Variants in PRAG1 observed in about 807,000 individuals in gnomAD.
PRAG1 encodes the protein inactive tyrosine-protein kinase PRAG1.
In PRAG1, 110 loss-of-function variants were observed where a neutral mutation model predicts 95.6. That is an observed-to-expected ratio of 1.15 (90% CI 0.99 to 1.35). PRAG1 has a LOEUF of 1.35. PRAG1 is among the 40% of genes most tolerant of loss of function. The pLI is 0.00. For missense variants in PRAG1, 2,554 were observed against 1,864.7 expected, an observed-to-expected ratio of 1.37 and a Z score of -6.81; for synonymous variants, 1,052 against 819.4, an observed-to-expected ratio of 1.28 and a Z score of -4.85.
intron 4 of PRAG1, among the ~76,000 whole-genome samples, chr8:8,335,424 C>T (rs1798954506): frequency 1.3e-5 from 2 of 152,130 alleles, no homozygotes. Flanking sequence ...TTATATTTCA[C>T]ATATGGATAC....
At chr8:8,356,214 G>A (rs1398743914) in intron 3 of PRAG1, among the ~76,000 whole-genome samples, 2 of 152,188 alleles carry the variant, frequency 1.3e-5, no homozygotes, top group African/African-American at 2.4e-5. Flanking sequence ...TTAAACCACT[G>A]TGAGATATCA....
At chr8:8,348,187 G>T (rs1254597558) in intron 3 of PRAG1, among the ~76,000 whole-genome samples, 1 of 152,192 alleles carries the variant, frequency 6.6e-6, no homozygotes, top group African/African-American at 2.4e-5. Context: ...AAAGTGCTGG[G>T]ATTATAGGCA....
Position 8,328,275 on chromosome 8 carries a change from C to A in PRAG1, c.2507G>T (p.Gly836Val). 1.2e-6 allele frequency: 2 copies of A among 1,614,020 alleles called. No individual in the cohort carries two copies. Among genetic ancestry groups the A allele is most frequent in the Non-Finnish European group, 1.7e-6 (2 of 1,179,982 alleles). ...GCTTGCTGTTCCGGGCTTGGGGGAG[C>A]CTTGGGTCCAGAAGAAGCCATCCGG... ...SSPDGFFWTQ[G>V]SPKPGTASPK... The change falls in exon 5 of 6, where the codon GGC becomes GTC. Residue 836 changes from glycine to valine, a missense_variant. Transcript: ENST00000615670.
rs749179881 is a variant in PRAG1, at chr8:8,381,762, G to T, written c.-15C>A. The stretch of plus-strand genomic sequence containing the variant: ...GTCTGGTGCATCTTGAGCCGACAGG[G>T]TGCTGGTTCATCTTGCGCCCGGCTC... On this transcript the variant is annotated 5_prime_UTR_variant, in exon 2 of 6. Coordinates refer to ENST00000615670, the MANE Select transcript of PRAG1 (RefSeq NM_001080826.3). The T allele has an allele frequency of 1.9e-6, 3 of 1,555,864 alleles. No individual in the cohort carries two copies. Among genetic ancestry groups the T allele is most frequent in the South Asian group, 2.4e-5 (2 of 82,330 alleles).
intron 3 of PRAG1, among the ~76,000 whole-genome samples, chr8:8,347,412 C>G (rs1429194121): frequency 6.6e-6 from 1 of 152,248 alleles, no homozygotes; most frequent in African/African-American, 2.4e-5. Flanking sequence ...ACGGCTCTGC[C>G]TCTCTGACCT....
rs372467266 is a variant in PRAG1, at chr8:8,377,214, G to T, written c.1195C>A (p.Pro399Thr). The change falls in exon 3 of 6, where the codon CCC becomes ACC. Residue 399 changes from proline to threonine, a missense_variant. Transcript: ENST00000615670. ...RCLGLTGEPQ[P>T]PAHPREATQP... Reference sequence around the variant, plus strand: ...GTAGCCTCCCGGGGGTGGGCCGGGGGCTGGGGCTCCCCCGTCAGCCCAAGG... The same window carrying T: ...GTAGCCTCCCGGGGGTGGGCCGGGGTCTGGGGCTCCCCCGTCAGCCCAAGG... The T allele has an allele frequency of 1.7e-5, 27 of 1,611,960 alleles. No individual in the cohort carries two copies. Among genetic ancestry groups the T allele is most frequent in the Middle Eastern group, 3.3e-4 (2 of 6,058 alleles).
chr8:8,376,495 C>G lies in PRAG1; in HGVS notation c.1914G>C (p.Arg638=), dbSNP rs1160658111. 2 of 1,612,820 alleles carry G rather than the reference C, an allele frequency of 1.2e-6. No individual in the cohort carries two copies. Among genetic ancestry groups the G allele is most frequent in the East Asian group, 2.2e-5 (1 of 44,874 alleles). The change falls in exon 3 of 6, where the codon CGG becomes CGC. Residue 638 remains arginine, a synonymous_variant. Coordinates refer to ENST00000615670, the MANE Select transcript of PRAG1 (RefSeq NM_001080826.3). ...FQAGTWSRQC[R]IEEEEEVEQE... is the part of the protein sequence containing the mutation. ...GCTCCACCTCCTCTTCTTCCTCTAT[C>G]CGGCACTGACGACTCCAGGTGCCTG... is the stretch of plus-strand genomic sequence containing the variant.
chr8:8,336,185 A>G lies in PRAG1; in HGVS notation c.2320+3293T>C, dbSNP rs1029018117. ...AACAGAGAACTCTCTAATCTTCTCT[A>G]ATCTCCAGGCATTCAGAAATGTTTG... On this transcript the variant is annotated intron_variant, in intron 4 of 5. Coordinates refer to ENST00000615670, the MANE Select transcript of PRAG1 (RefSeq NM_001080826.3). Among the ~76,000 whole-genome samples, 3 of 152,316 alleles carry G rather than the reference A, an allele frequency of 2.0e-5. No homozygotes were observed. The East Asian group carries it at 5.8e-4, about 29-fold the overall frequency.
rs1563260224 is a variant in PRAG1 at position 8,381,657 on chromosome 8, T to C, written c.91A>G (p.Lys31Glu). ...VEHIWKPGSC[K>E]NCFCLRSDHQ... ...TCGCTCCGCAGGCAGAAGCAGTTCT[T>C]GCAGGACCCGGGTTTCCAGATGTGC... The change falls in exon 2 of 6, where the codon AAG (lysine) becomes GAG (glutamate). Residue 31 changes from lysine to glutamate, a missense_variant. Transcript: ENST00000615670. The C allele has an allele frequency of 6.2e-7, 1 of 1,613,836 alleles. No individual in the cohort carries two copies. Among genetic ancestry groups the C allele is most frequent in the East Asian group, 2.2e-5 (1 of 44,864 alleles).
intron 4 of PRAG1, 62 bp from the exon 5 acceptor site, chr8:8,328,523 C>G: frequency 6.5e-7 from 1 of 1,535,952 alleles, no homozygotes; most frequent in Non-Finnish European, 8.8e-7. Context: ...CAGGGTCCTG[C>G]AGACTTGTTT....
At chr8:8,341,195 G>A (rs1227204029) in intron 3 of PRAG1, among the ~76,000 whole-genome samples, 1 of 152,062 alleles carries the variant, frequency 6.6e-6, no homozygotes, top group East Asian at 1.9e-4. Context: ...ATCACTAAGG[G>A]AGAAACTACA....
intron 3 of PRAG1, among the ~76,000 whole-genome samples, chr8:8,347,922 A>G (rs1799398562): frequency 6.6e-6 from 1 of 151,466 alleles, no homozygotes; most frequent in South Asian, 2.1e-4. Flanking sequence ...GCTGGAGTGC[A>G]GCGGCATGAT....
At chr8:8,343,236 T>C (rs1381696295) in intron 3 of PRAG1, among the ~76,000 whole-genome samples, 3 of 147,862 alleles carry the variant, frequency 2.0e-5, no homozygotes, top group African/African-American at 5.3e-5. Context: ...CAGATTTTGT[T>C]AAAGATATAG....
chr8:8,318,332 C>T lies in PRAG1; in HGVS notation c.4043G>A (p.Cys1348Tyr). Residue 1348 changes from cysteine to tyrosine, a missense_variant, in exon 6 of 6, where the codon TGC becomes TAC. Cys to Tyr is a radical substitution (Grantham distance 194). Coordinates refer to ENST00000615670, the MANE Select transcript of PRAG1 (RefSeq NM_001080826.3). This position sits in a 1 kb window ranked among gnomAD's most constrained non-coding sequence, Gnocchi z 4.2. ...GTCGATCCAGTTGTGCAGCGTGCCG[C>T]ACAGCGCCTCCTCCGAGGTGCCCGG... ...QQPGTSEEAL[C>Y]GTLHNWIDMK... 1.2e-6 allele frequency: 2 copies of T among 1,614,108 alleles called. No individual in the cohort carries two copies. The highest frequency in any genetic ancestry group is 1.3e-5 in the African/African-American group (1 of 75,060).
At position 8,373,454 on chromosome 8, in the gene PRAG1, A is replaced by AT. The variant is rs796490286; in HGVS notation, c.2162+2792dup. On this transcript the variant is annotated intron_variant, in intron 3 of 5. Transcript: ENST00000615670. ...CTCTTAAGCTAATTTTATTTTCTAG[A>AT]TTTTTTTTTTTTTGAGACAGGGTCT... is the stretch of plus-strand genomic sequence containing the variant. 1.1e-3 allele frequency among the ~76,000 whole-genome samples: 157 copies of AT among 138,308 alleles called. 2 individuals carry two copies. The highest frequency in any genetic ancestry group is 4.3e-3 in the Middle Eastern group (1 of 234). The allele number at this position is 138,308 out of a possible 152,430, so 90.7% of individuals were successfully genotyped here. A position where few individuals can be genotyped will look rare whatever the true frequency, so the allele number is the denominator to read the frequency against.
In PRAG1 at chr8:8,377,164, C is replaced by T. The variant is rs756614213; in HGVS notation, c.1245G>A (p.Glu415=). Residue 415 remains glutamate (E), a synonymous_variant, in exon 3 of 6, where the codon GAG becomes GAA. Coordinates refer to ENST00000615670, the MANE Select transcript of PRAG1 (RefSeq NM_001080826.3). ...GAGCTGCCTTCTTCCTCTTGGTGCT[C>T]TCAGCATAGATGGGTTCAGGCTGTG... is the stretch of plus-strand genomic sequence containing the variant. The part of the protein sequence containing the change: ...EATQPEPIYA[E]STKRKKAAPV... The T allele has an allele frequency of 6.2e-7, 1 of 1,611,846 alleles. No individual in the cohort carries two copies. Among genetic ancestry groups the T allele is most frequent in the East Asian group, 2.2e-5 (1 of 44,846 alleles).
At chr8:8,354,135 T>C (rs761605180) in intron 3 of PRAG1, among the ~76,000 whole-genome samples, 1 of 151,974 alleles carries the variant, frequency 6.6e-6, no homozygotes, top group Non-Finnish European at 1.5e-5. Context: ...AAAATGATCA[T>C]AAGGGACTAT....
At position 8,328,083 on chromosome 8, in the gene PRAG1, C is replaced by T. The variant is rs1798694942; in HGVS notation, c.2699G>A (p.Gly900Asp). 2 of 1,607,320 alleles carry T rather than the reference C, an allele frequency of 1.2e-6. No individual in the cohort carries two copies. Among genetic ancestry groups the T allele is most frequent in the East Asian group, 2.2e-5 (1 of 44,796 alleles). The change falls in exon 5 of 6, where the codon GGC (glycine) becomes GAC (aspartate). Residue 900 changes from glycine (G) to aspartate (D), a missense_variant. Coordinates refer to ENST00000615670, the MANE Select transcript of PRAG1 (RefSeq NM_001080826.3). ...GHWLPAAGLA[G>D]NRGGCGSPGL... Reference sequence around the variant, plus strand: ...AGGGCTCCCGCAGCCGCCTCTGTTGCCCGCCAGCCCTGCTGCCGGAAGCCA... The same window carrying T: ...AGGGCTCCCGCAGCCGCCTCTGTTGTCCGCCAGCCCTGCTGCCGGAAGCCA...
At position 8,339,554 on chromosome 8, in the gene PRAG1, G is replaced by A; in HGVS notation, c.2244C>T (p.Phe748=). Residue 748 remains phenylalanine (F), a synonymous_variant, in exon 4 of 6, where the codon TTC becomes TTT. Coordinates refer to ENST00000615670, the MANE Select transcript of PRAG1 (RefSeq NM_001080826.3). ...QGSAESLSPS[F]RGVHVSFTTG... is the part of the protein sequence containing the mutation. ...TGGTGAAGCTGACGTGGACACCCCT[G>A]AAGGATGGGCTGAGGCTTTCTGCAG... 1 of 1,614,192 alleles carries A rather than the reference G, an allele frequency of 6.2e-7. No individual in the cohort carries two copies. The highest frequency in any genetic ancestry group is 2.2e-5 in the East Asian group (1 of 44,876).
Sources: allele counts gnomAD v4.1 joint callset (sites outside exome capture counted in the v4.1 genomes callset), GRCh38; gene constraint gnomAD v4.1.1; non-coding constraint Gnocchi (gnomAD v3.1); transcripts MANE v1.5; gene names NCBI Gene and HGNC (gene_info 2026-07-23, HGNC 2026-07-21).